Variants in CA10 observed in about 807,000 individuals in gnomAD.
CA10 encodes the protein carbonic anhydrase 10 (inactive).
A neutral mutation model predicts 44.2 loss-of-function variants in CA10; 14 were observed. The observed-to-expected ratio is 0.32, with a 90% CI of 0.21 to 0.50. CA10 has a LOEUF of 0.50. Among genes scored for constraint, CA10 ranks in the 20% least tolerant of loss-of-function variants. The pLI is 0.99. For synonymous variants in CA10, 159 were observed against 141.6 expected, an observed-to-expected ratio of 1.12 and a Z score of -0.87; for missense variants, 350 against 409.7, an observed-to-expected ratio of 0.85 and a Z score of 1.26.
intron 3 of CA10, among the ~76,000 whole-genome samples, chr17:51,778,429 C>T (rs146018956): frequency 1.3e-5 from 2 of 152,210 alleles, no homozygotes; most frequent in East Asian, 1.9e-4. Context: ...GGGCATAGAT[C>T]GCTATATGAG....
rs1398793170 is a variant in CA10 at position 52,157,833 on chromosome 17, G to A, written c.-47C>T. 7 of 1,505,014 alleles carry A rather than the reference G, an allele frequency of 4.7e-6. No individual in the cohort carries two copies. The highest frequency in any genetic ancestry group is 2.3e-5 in the East Asian group (1 of 44,282). The allele number at this position is 1,505,014 out of a possible 1,614,324, so 93.2% of individuals were successfully genotyped here. ...GCATCACTCGACGGGAAAACGGGGG[G>A]AAGGGGGGAGCCCGACACGGCACAC... On this transcript the variant is annotated 5_prime_UTR_variant, in exon 1 of 9. Transcript: ENST00000451037.
intron 2 of CA10, among the ~76,000 whole-genome samples, chr17:51,956,397 A>T (rs1983666810): frequency 6.6e-6 from 1 of 152,230 alleles, no homozygotes; most frequent in Non-Finnish European, 1.5e-5. Context: ...TTCTATATAT[A>T]GATCAGCTGT....
At chr17:51,880,709 T>C (rs1034312517) in intron 3 of CA10, among the ~76,000 whole-genome samples, 3 of 151,950 alleles carry the variant, frequency 2.0e-5, no homozygotes, top group African/African-American at 7.3e-5. Context: ...CAATCTCCTA[T>C]AGGAAATCTT....
chr17:51,781,042 A>G (rs1285681658), intron 3 of CA10, among the ~76,000 whole-genome samples: 1 of 152,182 alleles, frequency 6.6e-6, no homozygotes, highest in Non-Finnish European at 1.5e-5. Context: ...TGTGTCTATC[A>G]TAAGTAGTTC....
intron 3 of CA10, among the ~76,000 whole-genome samples, chr17:51,912,585 C>A (rs372382803): frequency 2.0e-5 from 3 of 152,202 alleles, no homozygotes; most frequent in Admixed American, 1.3e-4. Flanking sequence ...AAAGCTAAAA[C>A]GTCCTAAGCC....
In CA10 at chr17:51,900,969, A is replaced by G. The variant is rs1227628562; in HGVS notation, c.279+30021T>C. On this transcript the variant is annotated intron_variant, in intron 3 of 8. Transcript: ENST00000451037. Reference sequence around the variant, plus strand: ...GGTCTCAACTTTCTCCTGTATCTCAATGATCTTTATTCTTATCCATATTCT... The same window carrying G: ...GGTCTCAACTTTCTCCTGTATCTCAGTGATCTTTATTCTTATCCATATTCT... 5.3e-5 allele frequency among the ~76,000 whole-genome samples: 8 copies of G among 152,060 alleles called. No individual in the cohort carries two copies. In the South Asian group the frequency reaches 1.2e-3, roughly 24 times the overall value.
At position 52,039,216 on chromosome 17, in the gene CA10, GTAT is replaced by G. The variant is rs1416497501; in HGVS notation, c.136+33100_136+33102del. 2.0e-5 allele frequency among the ~76,000 whole-genome samples: 3 copies of G among 152,174 alleles called. No individual in the cohort carries two copies. In the South Asian group the frequency reaches 6.2e-4, roughly 32 times the overall value. ...ACGTATTAGACAAATTTCTCTCTGA[GTAT>G]TATTATTGTAGCACTGAAATCCAGG... On this transcript the variant is annotated intron_variant, in intron 2 of 8. Coordinates refer to ENST00000451037, the MANE Select transcript of CA10 (RefSeq NM_020178.5).
chr17:52,144,733 T>G (rs938536577), intron 1 of CA10, among the ~76,000 whole-genome samples: 3 of 152,366 alleles, frequency 2.0e-5, no homozygotes, highest in East Asian at 1.9e-4. Flanking sequence ...TTAATCCCCA[T>G]GTTTTACATG....
At chr17:51,785,961 A>AT (rs1008843919) in intron 3 of CA10, among the ~76,000 whole-genome samples, 10 of 152,138 alleles carry the variant, frequency 6.6e-5, no homozygotes, top group South Asian at 2.1e-4. Flanking sequence ...TCCACTTTCC[A>AT]TTTTTTTGGT....
intron 2 of CA10, among the ~76,000 whole-genome samples, chr17:52,066,320 G>T (rs1987533941): frequency 6.6e-6 from 1 of 152,204 alleles, no homozygotes; most frequent in Admixed American, 6.5e-5. Flanking sequence ...TCAAAATACT[G>T]ATAGTGATAT....
At chr17:51,748,496 CCTT>C (rs1904785066) in intron 3 of CA10, 2 of 985,458 alleles carry the variant, frequency 2.0e-6, no homozygotes. Flanking sequence ...CATTCCTTTT[CCTT>C]CTTTTCTTGC....
At chr17:52,123,896 T>C (rs779228797) in intron 1 of CA10, among the ~76,000 whole-genome samples, 12 of 152,186 alleles carry the variant, frequency 7.9e-5, no homozygotes, top group Non-Finnish European at 1.3e-4. Context: ...GGGCATCCAA[T>C]AGGAGCAGAC....
At chr17:51,874,951 TTTTTTTTTCTTTTTTTTC>T (rs199628035) in intron 3 of CA10, among the ~76,000 whole-genome samples, 23 of 138,240 alleles carry the variant, frequency 1.7e-4, no homozygotes, top group African/African-American at 6.4e-4. Flanking sequence ...TTTTCTTCTG[TTTTTTTTTCTTTTTTTTC>T]TTTTCTTTTC....
Position 52,093,885 on chromosome 17 carries a change from C to T in CA10, c.62-21492G>A, listed in dbSNP as rs150575681. On this transcript the variant is annotated intron_variant, in intron 1 of 8. Coordinates refer to ENST00000451037, the MANE Select transcript of CA10 (RefSeq NM_020178.5). ...ATTTATACATAAAGACACTGAAGTTCAAAGTTACTTGATCAGGGTCATTCA... is the reference window on the plus strand; with the variant it reads ...ATTTATACATAAAGACACTGAAGTTTAAAGTTACTTGATCAGGGTCATTCA... Among the ~76,000 whole-genome samples the T allele has an allele frequency of 1.6e-4, 24 of 152,184 alleles. 1 individual carries two copies. In the East Asian group the frequency reaches 4.6e-3, roughly 29 times the overall value.
At chr17:51,735,954 CAG>C (rs1486137674) in intron 4 of CA10, among the ~76,000 whole-genome samples, 1 of 152,044 alleles carries the variant, frequency 6.6e-6, no homozygotes, top group South Asian at 2.1e-4. Context: ...CAGAAGAACA[CAG>C]AAACTTTTTG....
chr17:51,814,471 C>T (rs1907491612), intron 3 of CA10, among the ~76,000 whole-genome samples: 1 of 152,090 alleles, frequency 6.6e-6, no homozygotes, highest in African/African-American at 2.4e-5. Flanking sequence ...GCTATGTTGC[C>T]TACTTAGAAA....
At chr17:51,926,348 A>G (rs571844694) in intron 3 of CA10, among the ~76,000 whole-genome samples, 2 of 152,184 alleles carry the variant, frequency 1.3e-5, no homozygotes, top group Non-Finnish European at 2.9e-5. Flanking sequence ...CTATAATTTT[A>G]CAAAAATGCC....
At chr17:51,861,267 A>C (rs537563899) in intron 3 of CA10, among the ~76,000 whole-genome samples, 2 of 152,192 alleles carry the variant, frequency 1.3e-5, no homozygotes, top group South Asian at 2.1e-4. Flanking sequence ...TGGCAGCAGC[A>C]GTTCCTCCCT....
chr17:51,749,036 T>C (rs763239829), intron 3 of CA10, among the ~76,000 whole-genome samples: 38 of 152,294 alleles, frequency 2.5e-4, no homozygotes, highest in Middle Eastern at 6.8e-3. Context: ...ACTTCCAGGT[T>C]GAAATAGTGG....
Sources: gnomAD v4.1 joint callset for allele counts (sites outside exome capture counted in the v4.1 genomes callset) on GRCh38, gnomAD v4.1.1 for gene constraint, MANE v1.5 for transcripts, NCBI Gene and HGNC (gene_info 2026-07-23, HGNC 2026-07-21) for gene names.